The following IKZF3 variants were observed in gnomAD, a reference collection of about 807,000 sequenced individuals.
IKZF3 encodes the protein IKAROS family zinc finger 3, also known as zinc finger protein Aiolos.
In IKZF3, 10 loss-of-function variants were observed where a neutral mutation model predicts 49.0. The observed-to-expected ratio is 0.20, with a 90% CI of 0.13 to 0.35. The LOEUF is 0.35. Among genes scored for constraint, IKZF3 ranks in the 10% least tolerant of loss-of-function variants. IKZF3 has a pLI of 1.00. For synonymous variants in IKZF3, 209 were observed against 228.2 expected, an observed-to-expected ratio of 0.92 and a Z score of 0.76; for missense variants, 498 against 664.8, an observed-to-expected ratio of 0.75 and a Z score of 2.76.
At chr17:39,858,183 C>T (rs970480631) in intron 1 of IKZF3, among the ~76,000 whole-genome samples, 6 of 151,966 alleles carry the variant, frequency 3.9e-5, no homozygotes, top group African/African-American at 1.2e-4. Context: ...ATTGGCTGGG[C>T]ATTGGTGGCT....
At chr17:39,808,108 ACT>A (rs1465434009) in intron 3 of IKZF3, among the ~76,000 whole-genome samples, 1 of 152,172 alleles carries the variant, frequency 6.6e-6, no homozygotes, top group African/African-American at 2.4e-5. Flanking sequence ...TCTGATACTG[ACT>A]CTGTCTCAAA....
At chr17:39,769,309 G>A (rs1427893649) in intron 7 of IKZF3, among the ~76,000 whole-genome samples, 1 of 152,148 alleles carries the variant, frequency 6.6e-6, no homozygotes, top group African/African-American at 2.4e-5. Flanking sequence ...GTGAGAAATT[G>A]GAGCCAGAAG....
intron 3 of IKZF3, among the ~76,000 whole-genome samples, chr17:39,827,812 C>T (rs902596011): frequency 1.3e-5 from 2 of 152,198 alleles, no homozygotes; most frequent in Non-Finnish European, 2.9e-5. Flanking sequence ...CTATCCTCCT[C>T]AGAGTAGTAG....
chr17:39,817,267 A>G (rs2061698458), intron 3 of IKZF3, among the ~76,000 whole-genome samples: 1 of 152,242 alleles, frequency 6.6e-6, no homozygotes, highest in African/African-American at 2.4e-5. Context: ...TCTGAATTTT[A>G]AACACTCCAG....
chr17:39,844,776 C>T (rs2062580469), intron 1 of IKZF3, among the ~76,000 whole-genome samples: 1 of 152,148 alleles, frequency 6.6e-6, no homozygotes, highest in African/African-American at 2.4e-5. Flanking sequence ...GCATGCGACA[C>T]CATGCTCAAC....
At chr17:39,796,280 CTT>C (rs2061159573) in intron 3 of IKZF3, among the ~76,000 whole-genome samples, 1 of 152,150 alleles carries the variant, frequency 6.6e-6, no homozygotes, top group Non-Finnish European at 1.5e-5. Context: ...TAAAATCAAA[CTT>C]GTCATCTTTG....
At chr17:39,776,002 TC>T (rs1402032509) in intron 7 of IKZF3, among the ~76,000 whole-genome samples, 1 of 152,038 alleles carries the variant, frequency 6.6e-6, no homozygotes, top group Non-Finnish European at 1.5e-5. Context: ...CCCTATGATG[TC>T]CCTCCTCTTG....
intron 1 of IKZF3, among the ~76,000 whole-genome samples, chr17:39,832,497 A>G (rs1489068923): frequency 6.6e-6 from 1 of 150,954 alleles, no homozygotes; most frequent in Non-Finnish European, 1.5e-5. Flanking sequence ...AGTGGTATAT[A>G]TATATATATG....
Position 39,791,266 on chromosome 17 carries a change from C to T in IKZF3, c.592+150G>A, listed in dbSNP as rs80065229. 914 of 701,998 alleles carry T rather than the reference C, an allele frequency of 1.3e-3. 7 individuals carry two copies. In the African/African-American group the frequency reaches 0.014, roughly 11 times the overall value. 43.5% of individuals were successfully genotyped at this position (701,998 alleles called of 1,614,324 possible). A position where few individuals can be genotyped will look rare whatever the true frequency, so the allele number is the denominator to read the frequency against. On this transcript the variant is annotated intron_variant, in intron 5 of 7. Coordinates refer to ENST00000346872, the MANE Select transcript of IKZF3 (RefSeq NM_012481.5). Reference sequence around the variant, plus strand: ...GGAGAGCAATTAGTGCCTTAATGGTCGTGTAATTAGCCCTAGAGGTCTCTG... The same window carrying T: ...GGAGAGCAATTAGTGCCTTAATGGTTGTGTAATTAGCCCTAGAGGTCTCTG...
intron 6 of IKZF3, among the ~76,000 whole-genome samples, chr17:39,784,813 A>C (rs2060834785): frequency 6.6e-6 from 1 of 152,214 alleles, no homozygotes; most frequent in Non-Finnish European, 1.5e-5. Context: ...TGGATAAAAG[A>C]AATGATTAGC....
chr17:39,780,619 A>G (rs1490489209), intron 6 of IKZF3, among the ~76,000 whole-genome samples: 1 of 151,876 alleles, frequency 6.6e-6, no homozygotes, highest in East Asian at 1.9e-4. Flanking sequence ...CAGCCTCCCA[A>G]AGTGTTGGGA....
At chr17:39,836,048 C>T in intron 1 of IKZF3, 3 of 643,622 alleles carry the variant, frequency 4.7e-6, no homozygotes, top group South Asian at 1.5e-5. Context: ...TCTACTTGGT[C>T]TCCAGCATCT....
intron 7 of IKZF3, 124 bp downstream of exon 7, chr17:39,777,527 C>T: frequency 1.6e-6 from 1 of 625,870 alleles, no homozygotes; most frequent in East Asian, 2.8e-5. Flanking sequence ...AATAAAAGTA[C>T]ACAATGAAAA....
At chr17:39,811,339 GAAA>G (rs2061553738) in intron 3 of IKZF3, among the ~76,000 whole-genome samples, 1 of 148,094 alleles carries the variant, frequency 6.8e-6, no homozygotes, top group African/African-American at 2.5e-5. Flanking sequence ...AAGAAAGAAA[GAAA>G]GGGAAAGAAA....
chr17:39,798,531 A>G (rs545219922), intron 3 of IKZF3, among the ~76,000 whole-genome samples: 12 of 140,082 alleles, frequency 8.6e-5, no homozygotes, highest in Admixed American at 7.3e-4. Context: ...TTTGAGACGG[A>G]GTCTTTCTCT....
chr17:39,864,116 T>C lies in IKZF3; in HGVS notation c.7+4A>G, dbSNP rs2063297007. Reference sequence around the variant, plus strand: ...CGGAGAAAAGAAGCGGGCTGGAGGCTCACCTTCCATGTCGCTGCCGGGCCG... The same window carrying C: ...CGGAGAAAAGAAGCGGGCTGGAGGCCCACCTTCCATGTCGCTGCCGGGCCG... On this transcript the variant is annotated splice_donor_region_variant and intron_variant, in intron 1 of 7. Coordinates refer to ENST00000346872, the MANE Select transcript of IKZF3 (RefSeq NM_012481.5). The C allele has an allele frequency of 6.2e-7, 1 of 1,612,532 alleles. No homozygotes were observed. Among genetic ancestry groups the C allele is most frequent in the South Asian group, 1.1e-5 (1 of 91,058 alleles).
chr17:39,857,979 A>G (rs934223671), intron 1 of IKZF3, among the ~76,000 whole-genome samples: 2 of 147,804 alleles, frequency 1.4e-5, no homozygotes, highest in African/African-American at 2.6e-5. Flanking sequence ...AAAAAAAAAG[A>G]GAGAGAGAGA....
At chr17:39,807,890 G>C (rs964402132) in intron 3 of IKZF3, among the ~76,000 whole-genome samples, 3 of 152,036 alleles carry the variant, frequency 2.0e-5, no homozygotes, top group Admixed American at 6.6e-5. Flanking sequence ...CAAGAATGGG[G>C]ATCAACTACA....
At chr17:39,841,834 C>CTTTG (rs1259434523) in intron 1 of IKZF3, among the ~76,000 whole-genome samples, 20 of 151,874 alleles carry the variant, frequency 1.3e-4, no homozygotes, top group African/African-American at 4.8e-4. Flanking sequence ...TGCTTGATAC[C>CTTTG]AGGAGTTCAA....
Sources: gnomAD v4.1 joint callset for allele counts (sites outside exome capture counted in the v4.1 genomes callset) on GRCh38, gnomAD v4.1.1 for gene constraint, MANE v1.5 for transcripts, NCBI Gene and HGNC (gene_info 2026-07-23, HGNC 2026-07-21) for gene names.